The following XRRA1 variants were observed in gnomAD, a reference collection of about 807,000 sequenced individuals.
XRRA1 encodes X-ray radiation resistance-associated protein 1.
Under a neutral mutation model 80.2 loss-of-function variants are expected in XRRA1, and 69 were observed. The ratio of observed to expected loss-of-function variants is 0.86; its 90% CI spans 0.71 to 1.05. The LOEUF is 1.05. Among genes scored for constraint, XRRA1 ranks in the 50% least tolerant of loss-of-function variants. The pLI is 0.00. For synonymous variants in XRRA1, 348 were observed against 389.9 expected, an observed-to-expected ratio of 0.89 and a Z score of 1.27; for missense variants, 967 against 976.4, an observed-to-expected ratio of 0.99 and a Z score of 0.13.
chr11:74,932,018 T>G (rs1362208703), intron 5 of XRRA1, among the ~76,000 whole-genome samples: 2 of 152,216 alleles, frequency 1.3e-5, no homozygotes, highest in Non-Finnish European at 2.9e-5. Context: ...TTATTGGCCT[T>G]TCAAGTTCCT....
intron 8 of XRRA1, among the ~76,000 whole-genome samples, chr11:74,914,607 T>C (rs948478669): frequency 6.6e-6 from 1 of 152,214 alleles, no homozygotes; most frequent in African/African-American, 2.4e-5. Flanking sequence ...ATGTCCTGGT[T>C]TGGATGATAA....
chr11:74,919,831 T>G (rs1940100057), intron 8 of XRRA1: 1 of 419,058 alleles, frequency 2.4e-6, no homozygotes, highest in African/African-American at 2.1e-5. Context: ...GAATGTCCCA[T>G]GCCGAATCCA....
intron 10 of XRRA1, among the ~76,000 whole-genome samples, chr11:74,888,366 C>CTGTT (rs2049640155): frequency 1.3e-5 from 2 of 152,326 alleles, no homozygotes; most frequent in South Asian, 2.1e-4. Flanking sequence ...AGGGTCCTGA[C>CTGTT]TGTTAGAAGG....
intron 8 of XRRA1, among the ~76,000 whole-genome samples, chr11:74,909,517 C>T (rs1369373028): frequency 6.6e-6 from 1 of 152,144 alleles, no homozygotes; most frequent in Non-Finnish European, 1.5e-5. Flanking sequence ...TACACTACTT[C>T]GTCTTTTTAA....
At chr11:74,873,428 G>A (rs748083678) in intron 10 of XRRA1, among the ~76,000 whole-genome samples, 4 of 152,182 alleles carry the variant, frequency 2.6e-5, no homozygotes, top group Non-Finnish European at 4.4e-5. Flanking sequence ...TTCAGTCCTA[G>A]ATCTAAAGGA....
At chr11:74,896,111 G>A (rs538451639) in intron 10 of XRRA1, among the ~76,000 whole-genome samples, 1 of 152,374 alleles carries the variant, frequency 6.6e-6, no homozygotes, top group East Asian at 1.9e-4. Context: ...TGGCTATGGT[G>A]AAAGACTCAA....
intron 3 of XRRA1, among the ~76,000 whole-genome samples, chr11:74,939,774 T>G (rs184071609): frequency 6.6e-6 from 1 of 152,190 alleles, no homozygotes; most frequent in African/African-American, 2.4e-5. Context: ...CTAAAACATA[T>G]AGATATATAC....
At chr11:74,891,956 T>G (rs535454200) in intron 10 of XRRA1, among the ~76,000 whole-genome samples, 1 of 152,286 alleles carries the variant, frequency 6.6e-6, no homozygotes, top group South Asian at 2.1e-4. Flanking sequence ...GAAGAATCAG[T>G]ATTATGAAAA....
chr11:74,843,899 A>T lies in XRRA1; in HGVS notation c.2104T>A (p.Phe702Ile), dbSNP rs1449370105. 1 of 1,613,382 alleles carries T rather than the reference A, an allele frequency of 6.2e-7. No individual in the cohort carries two copies. Among genetic ancestry groups the T allele is most frequent in the African/African-American group, 1.3e-5 (1 of 74,926 alleles). Residue 702 changes from phenylalanine (F) to isoleucine (I), a missense_variant, in exon 18 of 19, where the codon TTC (phenylalanine) becomes ATC (isoleucine). Transcript: ENST00000684022. ...KTRAQLLDDI[F>I]IRLRDPRNIT... ...TTCCGGGGATCCCGCAAGCGAATGA[A>T]GATGTCATCCAGAAGTTGGGCTCTA... is the stretch of plus-strand genomic sequence containing the variant.
intron 12 of XRRA1, among the ~76,000 whole-genome samples, chr11:74,852,740 T>C (rs565173828): frequency 2.6e-4 from 39 of 152,318 alleles, no homozygotes; most frequent in Non-Finnish European, 5.0e-4. Context: ...GCAAAAAATA[T>C]ACAAGCTTTG....
chr11:74,878,599 C>A (rs1329009968), intron 10 of XRRA1, among the ~76,000 whole-genome samples: 1 of 151,030 alleles, frequency 6.6e-6, no homozygotes, highest in Admixed American at 6.6e-5. Flanking sequence ...GGTTTTAGGT[C>A]TAACGTTTAA....
intron 15 of XRRA1, among the ~76,000 whole-genome samples, chr11:74,847,087 C>A (rs2038440633): frequency 6.6e-6 from 1 of 152,026 alleles, no homozygotes; most frequent in Non-Finnish European, 1.5e-5. Context: ...CCTTTCCTGT[C>A]CGTATTTTCT....
chr11:74,891,764 A>G (rs2050768421), intron 10 of XRRA1, among the ~76,000 whole-genome samples: 1 of 152,188 alleles, frequency 6.6e-6, no homozygotes, highest in Non-Finnish European at 1.5e-5. Flanking sequence ...CCAATAACAG[A>G]CAAACAGAGA....
rs1490957114 is a variant in XRRA1 at position 74,859,257 on chromosome 11, G to C, written c.1071C>G (p.Pro357=). 1.2e-6 allele frequency: 2 copies of C among 1,608,492 alleles called. No homozygotes were observed. The highest frequency in any genetic ancestry group is 1.7e-6 in the Non-Finnish European group (2 of 1,178,082). The change falls in exon 12 of 19, where the codon CCC becomes CCG. Residue 357 remains proline, a synonymous_variant. Transcript: ENST00000684022. ...ACTTCACAGGAAGGATCTCGAATAT[G>C]GGAGGAAGTGAACATATCTTGGTTG... The part of the protein sequence containing the change: ...SETTKICSLP[P]IFEILPVKSL...
intron 10 of XRRA1, among the ~76,000 whole-genome samples, chr11:74,885,404 A>C (rs945019505): frequency 3.9e-5 from 6 of 152,242 alleles, no homozygotes; most frequent in Non-Finnish European, 1.5e-5. Context: ...GGATGTTACC[A>C]CTGACCCCAC....
chr11:74,922,451 T>C (rs933551084), intron 7 of XRRA1, among the ~76,000 whole-genome samples: 7 of 152,050 alleles, frequency 4.6e-5, no homozygotes, highest in African/African-American at 1.7e-4. Context: ...TCAGGATAAA[T>C]GACATCTGTC....
At chr11:74,947,742 T>C (rs754979747) in intron 1 of XRRA1, among the ~76,000 whole-genome samples, 1 of 152,210 alleles carries the variant, frequency 6.6e-6, no homozygotes, top group Non-Finnish European at 1.5e-5. Flanking sequence ...ATTTTCTTTT[T>C]AGTAATAATT....
chr11:74,843,701 C>T (rs529561824), intron 18 of XRRA1, 153 bp downstream of exon 18: 18 of 824,894 alleles, frequency 2.2e-5, no homozygotes, highest in Middle Eastern at 3.6e-4. Flanking sequence ...CCCTGCCTCA[C>T]GCTGGCTCTC....
chr11:74,924,941 A>G (rs1310478313), intron 7 of XRRA1, among the ~76,000 whole-genome samples: 1 of 152,232 alleles, frequency 6.6e-6, no homozygotes, highest in African/African-American at 2.4e-5. Context: ...ACAACAGCAG[A>G]GCTGACTAGC....
Sources: gnomAD v4.1 joint callset for allele counts (sites outside exome capture counted in the v4.1 genomes callset) on GRCh38, gnomAD v4.1.1 for gene constraint, MANE v1.5 for transcripts, NCBI Gene and HGNC (gene_info 2026-07-23, HGNC 2026-07-21) for gene names.